The following ROBO1 variants were observed in gnomAD, a reference collection of about 807,000 sequenced individuals.
ROBO1 encodes roundabout guidance receptor 1.
In ROBO1, 149 loss-of-function variants were observed where a neutral mutation model predicts 195.9. The ratio of observed to expected loss-of-function variants is 0.76; its 90% confidence interval spans 0.67 to 0.87. The LOEUF (loss-of-function observed/expected upper bound fraction) is 0.87, where lower values mean the gene tolerates loss of function less well. Among genes scored for constraint, ROBO1 ranks in the 40% least tolerant of loss-of-function variants. The pLI is 0.00. For missense variants in ROBO1, 1,933 were observed against 2,068.3 expected, an observed-to-expected ratio of 0.93 and a Z score of 1.27; for synonymous variants, 816 against 733.2, an observed-to-expected ratio of 1.11 and a Z score of -1.82.
At chr3:79,013,766 T>G (rs1187526122) in intron 3 of ROBO1, among the ~76,000 whole-genome samples, 1 of 152,182 alleles carries the variant, frequency 6.6e-6, no homozygotes, top group Non-Finnish European at 1.5e-5. Context: ...ATATATGTCA[T>G]AGGATTTTTA....
chr3:79,700,317 T>TTGTGTG (rs71130610), intron 1 of ROBO1, among the ~76,000 whole-genome samples: 18,560 of 144,002 alleles, frequency 0.13, 1,250 homozygotes, highest in East Asian at 0.19. Flanking sequence ...GTGTGTGTGT[T>TTGTGTG]TGTGTGTGTG....
chr3:78,626,250 G>A (rs965207969), intron 26 of ROBO1, among the ~76,000 whole-genome samples: 1 of 151,904 alleles, frequency 6.6e-6, no homozygotes, highest in Non-Finnish European at 1.5e-5. Flanking sequence ...GGAAAGAAGT[G>A]CCTTATTTGC....
intron 3 of ROBO1, among the ~76,000 whole-genome samples, chr3:79,034,949 C>T (rs1329237912): frequency 2.0e-5 from 3 of 151,782 alleles, no homozygotes; most frequent in Non-Finnish European, 2.9e-5. Flanking sequence ...ACAATAAAAC[C>T]AGTAATTTTT....
At chr3:78,690,109 G>T (rs1475839754) in intron 8 of ROBO1, among the ~76,000 whole-genome samples, 4 of 148,614 alleles carry the variant, frequency 2.7e-5, no homozygotes, top group Non-Finnish European at 5.9e-5. Context: ...AGGCCATAAA[G>T]AAATATTAAA....
intron 4 of ROBO1, among the ~76,000 whole-genome samples, chr3:78,866,729 T>A (rs1217451417): frequency 6.6e-6 from 1 of 152,196 alleles, no homozygotes; most frequent in Non-Finnish European, 1.5e-5. Flanking sequence ...ACACCTTAAC[T>A]TACATGGTTT....
At chr3:79,272,939 G>A (rs2030696221) in intron 2 of ROBO1, among the ~76,000 whole-genome samples, 1 of 152,098 alleles carries the variant, frequency 6.6e-6, no homozygotes, top group African/African-American at 2.4e-5. Context: ...CACAGGCCAG[G>A]GGAGAATGGA....
At chr3:79,373,624 T>A (rs756185843) in intron 2 of ROBO1, among the ~76,000 whole-genome samples, 3 of 152,254 alleles carry the variant, frequency 2.0e-5, no homozygotes, top group Admixed American at 6.5e-5. Flanking sequence ...CATAAAATTA[T>A]GGAATTGTAT....
At chr3:78,821,921 A>C (rs765039881) in intron 4 of ROBO1, among the ~76,000 whole-genome samples, 15 of 152,102 alleles carry the variant, frequency 9.9e-5, no homozygotes, top group Admixed American at 4.6e-4. Context: ...AGAGAAGAAG[A>C]AGCAGTAGTG....
chr3:79,021,537 T>C (rs2078101185), intron 3 of ROBO1, among the ~76,000 whole-genome samples: 1 of 152,160 alleles, frequency 6.6e-6, no homozygotes, highest in Admixed American at 6.6e-5. Context: ...TGCTCGTATC[T>C]CTCAAGATTT....
At chr3:79,155,416 T>C (rs1164888023) in intron 2 of ROBO1, among the ~76,000 whole-genome samples, 1 of 151,794 alleles carries the variant, frequency 6.6e-6, no homozygotes, top group African/African-American at 2.4e-5. Flanking sequence ...AGCACATTAA[T>C]ATCTACAAAG....
intron 4 of ROBO1, among the ~76,000 whole-genome samples, chr3:78,867,984 G>A (rs1031241868): frequency 6.6e-6 from 1 of 152,074 alleles, no homozygotes; most frequent in Non-Finnish European, 1.5e-5. Context: ...TTAGAATCTC[G>A]ACAGGGAGGA....
chr3:78,837,148 T>C (rs1008586159), intron 4 of ROBO1, among the ~76,000 whole-genome samples: 1 of 152,166 alleles, frequency 6.6e-6, no homozygotes. Context: ...TAAGTGTTGG[T>C]TCATCAAATT....
chr3:79,493,616 T>A lies in ROBO1; in HGVS notation c.88+96208A>T, dbSNP rs560677989. Among the ~76,000 whole-genome samples the A allele has an allele frequency of 2.0e-3, 310 of 152,096 alleles. 2 individuals are homozygous for A. The highest frequency in any genetic ancestry group is 6.2e-3 in the African/African-American group (258 of 41,550). On this transcript the variant is annotated intron_variant, in intron 2 of 30. Coordinates refer to ENST00000464233, the MANE Select transcript of ROBO1 (RefSeq NM_002941.4). ...TATTTAAAAGTTTGTTGAAAAAAGG[T>A]TTTTTATTTTATTAATTTGATAAAT...
intron 2 of ROBO1, among the ~76,000 whole-genome samples, chr3:79,190,509 T>G (rs2081519983): frequency 6.6e-6 from 1 of 151,616 alleles, no homozygotes; most frequent in African/African-American, 2.4e-5. Flanking sequence ...GGTAGATTAC[T>G]CTTACTCGTT....
chr3:79,560,174 AC>A (rs1334589828), intron 2 of ROBO1, among the ~76,000 whole-genome samples: 2 of 151,804 alleles, frequency 1.3e-5, no homozygotes, highest in East Asian at 3.9e-4. Flanking sequence ...TTGCCACAAC[AC>A]ATATACACCA....
chr3:79,104,099 T>G (rs1215228671), intron 3 of ROBO1, among the ~76,000 whole-genome samples: 2 of 151,718 alleles, frequency 1.3e-5, no homozygotes, highest in African/African-American at 2.4e-5. Context: ...CTAGGGATTT[T>G]GATTTGTTGG....
At chr3:79,712,858 C>A (rs925444986) in intron 1 of ROBO1, among the ~76,000 whole-genome samples, 2 of 152,010 alleles carry the variant, frequency 1.3e-5, no homozygotes, top group Admixed American at 1.3e-4. Context: ...TAAATCTATT[C>A]CCCCTGAGCT....
At chr3:79,581,711 C>A (rs1943666361) in intron 2 of ROBO1, among the ~76,000 whole-genome samples, 1 of 151,992 alleles carries the variant, frequency 6.6e-6, no homozygotes, top group African/African-American at 2.4e-5. Context: ...TTTGTAATAC[C>A]ACACACAAAT....
chr3:79,568,606 T>C (rs1482073828), intron 2 of ROBO1, among the ~76,000 whole-genome samples: 1 of 151,934 alleles, frequency 6.6e-6, no homozygotes, highest in Non-Finnish European at 1.5e-5. Context: ...TTCATTCTCT[T>C]GAAATTCTGT....
Sources: gnomAD v4.1 joint callset for allele counts (sites outside exome capture counted in the v4.1 genomes callset) on GRCh38, gnomAD v4.1.1 for gene constraint, MANE v1.5 for transcripts, NCBI Gene and HGNC (gene_info 2026-07-23, HGNC 2026-07-21) for gene names.